Variants in SLC16A13 observed in about 807,000 individuals in gnomAD.
SLC16A13 encodes solute carrier family 16 member 13, also known as monocarboxylate transporter 13.
SLC16A13 carries 28 observed loss-of-function variants against 28.1 expected under a neutral mutation model. The observed-to-expected ratio is 1.00, with a 90% CI of 0.74 to 1.37. The LOEUF is 1.37. SLC16A13 is among the 40% of genes most tolerant of loss of function. The probability of loss-of-function intolerance (pLI) is 0.00; values close to 1 mark genes in which losing one functional copy is unlikely to be tolerated. For missense variants in SLC16A13, 482 were observed against 531.8 expected, an observed-to-expected ratio of 0.91 and a Z score of 0.92; for synonymous variants, 228 against 241.6, an observed-to-expected ratio of 0.94 and a Z score of 0.52.
At position 7,038,465 on chromosome 17, in the gene SLC16A13, C is replaced by T. The variant is rs768687524; in HGVS notation, c.657C>T (p.Tyr219=). ...SLLHHGPFLR[Y]TVALTLINTG... is the part of the protein sequence containing the mutation. Reference sequence around the variant, plus strand: ...TCCATCATGGCCCCTTCCTCCGTTACACTGTTGCCCTCACCCTGATCAACA... The same window carrying T: ...TCCATCATGGCCCCTTCCTCCGTTATACTGTTGCCCTCACCCTGATCAACA... Residue 219 remains tyrosine (Y), a synonymous_variant, in exon 3 of 4, where the codon TAC becomes TAT. Coordinates refer to ENST00000308027, the MANE Select transcript of SLC16A13 (RefSeq NM_201566.3). The surrounding 1 kb of genome is among the most constrained non-coding windows in gnomAD (Gnocchi z 5.7). 2 of 1,614,096 alleles carry T rather than the reference C, an allele frequency of 1.2e-6. No homozygotes were observed. Among genetic ancestry groups the T allele is most frequent in the South Asian group, 2.2e-5 (2 of 91,078 alleles).
chr17:7,036,922 T>C (rs764311843), intron 2 of SLC16A13, 52 bp downstream of exon 2: 2 of 1,592,784 alleles, frequency 1.3e-6, no homozygotes, highest in Non-Finnish European at 1.7e-6. Context: ...CGTTGGATGT[T>C]CACCTCCTTC....
rs1211341169 is a variant in SLC16A13 at position 7,039,957 on chromosome 17, G to A, written c.1276G>A (p.Asp426Asn). Reference sequence around the variant, plus strand: ...CCTACCCAAGGAGGGGCTGGAAGAGGACTGAACTCCACAGAGTCAGGCCCA... The same window carrying A: ...CCTACCCAAGGAGGGGCTGGAAGAGAACTGAACTCCACAGAGTCAGGCCCA... ...VPLPKEGLEED is the reference protein window; with the variant it reads ...VPLPKEGLEEN The change falls in exon 4 of 4, where the codon GAC (aspartate) becomes AAC (asparagine). Residue 426 changes from aspartate to asparagine, a missense_variant. Asp to Asn is a conservative substitution (Grantham distance 23, BLOSUM62 1). Transcript: ENST00000308027. This position sits in a 1 kb window ranked among gnomAD's most constrained non-coding sequence, Gnocchi z 4.3. 2 of 1,613,288 alleles carry A rather than the reference G, an allele frequency of 1.2e-6. No individual in the cohort carries two copies. Among genetic ancestry groups the A allele is most frequent in the South Asian group, 2.2e-5 (2 of 91,056 alleles).
chr17:7,037,117 C>G (rs1910601599), intron 2 of SLC16A13: 1 of 347,946 alleles, frequency 2.9e-6, no homozygotes, highest in African/African-American at 2.1e-5. Context: ...TTTGGGAAGC[C>G]GAGGCGGGTG....
chr17:7,038,353 T>C lies in SLC16A13; in HGVS notation c.545T>C (p.Leu182Pro), dbSNP rs1910637029. Residue 182 changes from leucine to proline, a missense_variant, in exon 3 of 4, where the codon CTA (leucine) becomes CCA (proline). Coordinates refer to ENST00000308027, the MANE Select transcript of SLC16A13 (RefSeq NM_201566.3). This position sits in a 1 kb window ranked among gnomAD's most constrained non-coding sequence, Gnocchi z 5.7. ...LLLVSALSLH[L>P]VACGALLRPP... The stretch of plus-strand genomic sequence containing the variant: ...CTGGTGTCTGCCCTCTCCCTCCACC[T>C]AGTGGCCTGTGGTGCTCTCCTCCGC... The C allele has an allele frequency of 6.2e-7, 1 of 1,614,090 alleles. No homozygotes were observed. The highest frequency in any genetic ancestry group is 1.3e-5 in the African/African-American group (1 of 75,052).
In SLC16A13 at chr17:7,036,786, G is replaced by C; in HGVS notation, c.259G>C (p.Gly87Arg). The C allele has an allele frequency of 6.2e-7, 1 of 1,613,936 alleles. No homozygotes were observed. Among genetic ancestry groups the C allele is most frequent in the South Asian group, 1.1e-5 (1 of 91,090 alleles). ...FGPRPVVMTG[G>R]ILAALGMLLA... Reference sequence around the variant, plus strand: ...GCCCAGGCCCGTGGTGATGACTGGAGGCATCTTGGCTGCGCTGGGGATGCT... The same window carrying C: ...GCCCAGGCCCGTGGTGATGACTGGACGCATCTTGGCTGCGCTGGGGATGCT... The change falls in exon 2 of 4, where the codon GGC (glycine) becomes CGC (arginine). Residue 87 changes from glycine (G) to arginine (R), a missense_variant. Coordinates refer to ENST00000308027, the MANE Select transcript of SLC16A13 (RefSeq NM_201566.3).
chr17:7,038,898 A>G lies in SLC16A13; in HGVS notation c.1081+9A>G. ...GGGGCCTCCTCTCTCAGGTAAGTGG[A>G]ATGGGGTTCCCAGGGGGTGAGGGCT... On this transcript the variant is annotated intron_variant, in intron 3 of 3. Coordinates refer to ENST00000308027, the MANE Select transcript of SLC16A13 (RefSeq NM_201566.3). The surrounding 1 kb of genome is among the most constrained non-coding windows in gnomAD (Gnocchi z 5.7). 2 of 1,594,956 alleles carry G rather than the reference A, an allele frequency of 1.3e-6. No individual in the cohort carries two copies. The highest frequency in any genetic ancestry group is 1.7e-6 in the Non-Finnish European group (2 of 1,170,506).
Position 7,039,010 on chromosome 17 carries a change from C to A in SLC16A13, c.1081+121C>A. On this transcript the variant is annotated intron_variant, in intron 3 of 3. Transcript: ENST00000308027. This position sits in a 1 kb window ranked among gnomAD's most constrained non-coding sequence, Gnocchi z 4.3. ...CTGGTGTAGTACAGTACACAGCCTGCGTGGCCAACCATAGCATCCCTGAAA... is the reference window on the plus strand; with the variant it reads ...CTGGTGTAGTACAGTACACAGCCTGAGTGGCCAACCATAGCATCCCTGAAA... 1.5e-6 allele frequency: 2 copies of A among 1,311,060 alleles called. No individual in the cohort carries two copies. The highest frequency in any genetic ancestry group is 2.0e-6 in the Non-Finnish European group (2 of 978,986). 81.2% of individuals were successfully genotyped at this position (1,311,060 alleles called of 1,614,324 possible).
Position 7,036,554 on chromosome 17 carries a change from A to G in SLC16A13, c.172A>G (p.Ile58Val), listed in dbSNP as rs767951693. Residue 58 changes from isoleucine to valine, a missense_variant, in exon 1 of 4, where the codon ATA becomes GTA. Transcript: ENST00000308027. ...QAARVSWIAS[I>V]GIAVQQFGSP... ...AGCGCGCGTCTCCTGGATCGCCTCCATAGGAATCGCGGTGCAGCAGTTTGG... is the reference window on the plus strand; with the variant it reads ...AGCGCGCGTCTCCTGGATCGCCTCCGTAGGAATCGCGGTGCAGCAGTTTGG... 3 of 1,612,404 alleles carry G rather than the reference A, an allele frequency of 1.9e-6. No homozygotes were observed. The highest frequency in any genetic ancestry group is 2.5e-6 in the Non-Finnish European group (3 of 1,179,974).
chr17:7,036,477 G>C lies in SLC16A13; in HGVS notation c.95G>C (p.Arg32Pro). 1 of 1,612,414 alleles carries C rather than the reference G, an allele frequency of 6.2e-7. No homozygotes were observed. The highest frequency in any genetic ancestry group is 8.5e-7 in the Non-Finnish European group (1 of 1,180,048). ...FQSALVFGVL[R>P]SFGVFFVEFV... Reference sequence around the variant, plus strand: ...TCGGCGCTTGTGTTTGGGGTGCTCCGCTCCTTTGGGGTCTTCTTCGTGGAG... The same window carrying C: ...TCGGCGCTTGTGTTTGGGGTGCTCCCCTCCTTTGGGGTCTTCTTCGTGGAG... The change falls in exon 1 of 4, where the codon CGC becomes CCC. Residue 32 changes from arginine (R) to proline (P), a missense_variant. Arg to Pro is a moderately radical substitution (Grantham distance 103). Transcript: ENST00000308027.
Position 7,036,547 on chromosome 17 carries a change from C to A in SLC16A13, c.165C>A (p.Ile55=), listed in dbSNP as rs1187409621. Reference sequence around the variant, plus strand: ...AGCAGGCAGCGCGCGTCTCCTGGATCGCCTCCATAGGAATCGCGGTGCAGC... The same window carrying A: ...AGCAGGCAGCGCGCGTCTCCTGGATAGCCTCCATAGGAATCGCGGTGCAGC... ...FEEQAARVSW[I]ASIGIAVQQF... Residue 55 remains isoleucine (I), a synonymous_variant, in exon 1 of 4, where the codon ATC becomes ATA. Coordinates refer to ENST00000308027, the MANE Select transcript of SLC16A13 (RefSeq NM_201566.3). 1 of 1,612,410 alleles carries A rather than the reference C, an allele frequency of 6.2e-7. No homozygotes were observed. The highest frequency in any genetic ancestry group is 1.7e-5 in the Admixed American group (1 of 60,034).
Position 7,039,768 on chromosome 17 carries a change from C to T in SLC16A13, c.1087C>T (p.Leu363Phe). ...TTTTTCTCTCTTGGACCTAGGCTAC[C>T]TCCGGGATGTGACAGGCAACTACAC... ...GLLGPPLSGY[L>F]RDVTGNYTAS... Residue 363 changes from leucine to phenylalanine, a missense_variant, in exon 4 of 4, where the codon CTC becomes TTC. Leu to Phe is a conservative substitution (Grantham distance 22, BLOSUM62 0). Transcript: ENST00000308027. This position sits in a 1 kb window ranked among gnomAD's most constrained non-coding sequence, Gnocchi z 4.3. The T allele has an allele frequency of 6.2e-7, 1 of 1,614,162 alleles. No individual in the cohort carries two copies. The highest frequency in any genetic ancestry group is 1.3e-5 in the African/African-American group (1 of 75,036).
At chr17:7,036,619 C>T (rs573586089) in intron 1 of SLC16A13, 38 bp downstream of exon 1, 1 of 1,611,116 alleles carries the variant, frequency 6.2e-7, no homozygotes, top group Non-Finnish European at 8.5e-7. Context: ...CTGCGACCCT[C>T]GGAAGGGAGA....
At position 7,036,049 on chromosome 17, in the gene SLC16A13, A is replaced by T; in HGVS notation, c.-334A>T. 1 of 248,904 alleles carries T rather than the reference A, an allele frequency of 4.0e-6. No individual in the cohort carries two copies. Among genetic ancestry groups the T allele is most frequent in the Non-Finnish European group, 7.8e-6 (1 of 128,274 alleles). 15.4% of individuals were successfully genotyped at this position (248,904 alleles called of 1,614,324 possible). Reference sequence around the variant, plus strand: ...CTGGCGCGCTCCAGGGGTGGGGCCCAAACTCAGTTCCACCCTCTGGCTCCC... The same window carrying T: ...CTGGCGCGCTCCAGGGGTGGGGCCCTAACTCAGTTCCACCCTCTGGCTCCC... On this transcript the variant is annotated 5_prime_UTR_variant, in exon 1 of 4. Transcript: ENST00000308027.
In SLC16A13 at chr17:7,039,910, A is replaced by G. The variant is rs1460704094; in HGVS notation, c.1229A>G (p.Glu410Gly). The G allele has an allele frequency of 1.9e-6, 3 of 1,613,872 alleles. No individual in the cohort carries two copies. In the African/African-American group the frequency reaches 4.0e-5, roughly 22 times the overall value. ...TTSGPQDLVT[E>G]ALDTKVPLPK... is the part of the protein sequence containing the mutation. ...TCCGGGCCCCAGGACCTTGTAACAGAAGCACTAGATACTAAAGTTCCCCTA... is the reference window on the plus strand; with the variant it reads ...TCCGGGCCCCAGGACCTTGTAACAGGAGCACTAGATACTAAAGTTCCCCTA... The change falls in exon 4 of 4, where the codon GAA becomes GGA. Residue 410 changes from glutamate (E) to glycine (G), a missense_variant. Glu to Gly is a moderately conservative substitution (Grantham distance 98). Transcript: ENST00000308027. This position sits in a 1 kb window ranked among gnomAD's most constrained non-coding sequence, Gnocchi z 4.3.
chr17:7,037,875 T>C (rs1266520922), intron 2 of SLC16A13, among the ~76,000 whole-genome samples: 3 of 152,256 alleles, frequency 2.0e-5, no homozygotes, highest in Non-Finnish European at 4.4e-5. Context: ...CAGGTCTAAC[T>C]CCAAAGTTCT....
Position 7,036,770 on chromosome 17 carries a change from C to A in SLC16A13, c.243C>A (p.Pro81=), listed in dbSNP as rs1309907746. The A allele has an allele frequency of 1.2e-6, 2 of 1,613,634 alleles. No individual in the cohort carries two copies. The highest frequency in any genetic ancestry group is 8.5e-7 in the Non-Finnish European group (1 of 1,180,048). The part of the protein sequence containing the change: ...SALSTKFGPR[P]VVMTGGILAA... ...TGAGCACGAAGTTCGGGCCCAGGCC[C>A]GTGGTGATGACTGGAGGCATCTTGG... The change falls in exon 2 of 4, where the codon CCC becomes CCA. Residue 81 remains proline, a synonymous_variant. Transcript: ENST00000308027.
rs747642614 is a variant in SLC16A13, at chr17:7,039,721, A to G, written c.1082-42A>G. Reference sequence around the variant, plus strand: ...TGTATCTGAGCCCTCAGCCCCAGCAAATAGATCACTCATGTGTATTCTTTT... The same window carrying G: ...TGTATCTGAGCCCTCAGCCCCAGCAGATAGATCACTCATGTGTATTCTTTT... On this transcript the variant is annotated intron_variant, in intron 3 of 3. Coordinates refer to ENST00000308027, the MANE Select transcript of SLC16A13 (RefSeq NM_201566.3). The surrounding 1 kb of genome is among the most constrained non-coding windows in gnomAD (Gnocchi z 4.3). 9 of 1,605,680 alleles carry G rather than the reference A, an allele frequency of 5.6e-6. No homozygotes were observed. The African/African-American group carries it at 1.2e-4, about 22-fold the overall frequency.
rs1226080222 is a variant in SLC16A13, at chr17:7,036,861, T to C, written c.334T>C (p.Leu112=). Residue 112 remains leucine (L), a synonymous_variant, in exon 2 of 4, where the codon TTG becomes CTG. Transcript: ENST00000308027. ...SLTHLYLSIG[L]LSGSGWALTF... ...GACCCACCTATACCTGAGTATTGGGTTGCTGTCAGGTGAGAGCCTGCACAA... is the reference window on the plus strand; with the variant it reads ...GACCCACCTATACCTGAGTATTGGGCTGCTGTCAGGTGAGAGCCTGCACAA... The C allele has an allele frequency of 6.2e-7, 1 of 1,612,774 alleles. No homozygotes were observed. The highest frequency in any genetic ancestry group is 1.7e-5 in the Admixed American group (1 of 60,024).
chr17:7,038,029 A>G lies in SLC16A13; in HGVS notation c.344-123A>G. ...ACAGCTATGAAGTATCCAAGCCAAG[A>G]TTGTATCCCAGGTCTGTGGGACTCC... is the stretch of plus-strand genomic sequence containing the variant. On this transcript the variant is annotated intron_variant, in intron 2 of 3. Transcript: ENST00000308027. This position sits in a 1 kb window ranked among gnomAD's most constrained non-coding sequence, Gnocchi z 5.7. 8.3e-7 allele frequency: 1 copy of G among 1,200,552 alleles called. No homozygotes were observed. 74.4% of individuals were successfully genotyped at this position (1,200,552 alleles called of 1,614,324 possible). A position where few individuals can be genotyped will look rare whatever the true frequency, so the allele number is the denominator to read the frequency against.
Sources: allele counts gnomAD v4.1 joint callset (sites outside exome capture counted in the v4.1 genomes callset), GRCh38; gene constraint gnomAD v4.1.1; non-coding constraint Gnocchi (gnomAD v3.1); transcripts MANE v1.5; gene names NCBI Gene and HGNC (gene_info 2026-07-23, HGNC 2026-07-21).